The following SCRN3 variants were observed in gnomAD, a reference collection of about 807,000 sequenced individuals.
SCRN3 encodes secernin-3.
In SCRN3, 39 loss-of-function variants were observed where a neutral mutation model predicts 43.1. The ratio of observed to expected loss-of-function variants is 0.91; its 90% CI spans 0.70 to 1.18. SCRN3 has a LOEUF of 1.18. SCRN3 is among the 50% of genes most tolerant of loss of function. SCRN3 has a pLI of 0.00. For missense variants in SCRN3, 484 were observed against 498.0 expected (o/e 0.97, Z 0.27); for synonymous variants, 147 against 163.1 (o/e 0.90, Z 0.75).
chr2:174,398,229 A>C, intron 1 of SCRN3, 46 bp from the exon 2 acceptor site: 1 of 1,201,072 alleles, frequency 8.3e-7, no homozygotes, highest in Non-Finnish European at 1.2e-6. Flanking sequence ...ATTTTTATAT[A>C]CTTAAAAGTG....
At chr2:174,399,889 C>T (rs1329950750) in intron 2 of SCRN3, 33 bp from the exon 3 acceptor site, 10 of 1,296,656 alleles carry the variant, frequency 7.7e-6, no homozygotes, top group South Asian at 2.4e-5. Context: ...TTTTGTGGTT[C>T]TTGCTATGAC....
At chr2:174,401,340 G>A in intron 4 of SCRN3, 151 bp downstream of exon 4, 1 of 623,994 alleles carries the variant, frequency 1.6e-6, no homozygotes, top group Non-Finnish European at 2.7e-6. Flanking sequence ...TGAAAGAACA[G>A]TGAAAAAGTG....
intron 5 of SCRN3, among the ~76,000 whole-genome samples, chr2:174,417,274 G>C (rs908479915): frequency 6.6e-6 from 1 of 151,650 alleles, no homozygotes; most frequent in Non-Finnish European, 1.5e-5. Context: ...ATGTATCCCG[G>C]AACTCAAAAT....
intron 3 of SCRN3, among the ~76,000 whole-genome samples, chr2:174,400,768 A>C (rs1212385367): frequency 2.0e-5 from 3 of 152,170 alleles, no homozygotes; most frequent in Non-Finnish European, 4.4e-5. Context: ...CTTGACAGTG[A>C]ATTACCAACT....
At chr2:174,417,028 G>A (rs1017580206) in intron 5 of SCRN3, among the ~76,000 whole-genome samples, 4 of 152,104 alleles carry the variant, frequency 2.6e-5, no homozygotes, top group Non-Finnish European at 4.4e-5. Flanking sequence ...GTTTCTTAAT[G>A]TTATAGTTTA....
At chr2:174,426,585 A>G (rs1208366913) in intron 7 of SCRN3, among the ~76,000 whole-genome samples, 3 of 152,052 alleles carry the variant, frequency 2.0e-5, no homozygotes, top group Non-Finnish European at 4.4e-5. Flanking sequence ...CAGCCTGACC[A>G]ACATGATGAA....
At chr2:174,418,271 A>G (rs1334964153) in intron 5 of SCRN3, among the ~76,000 whole-genome samples, 3 of 152,212 alleles carry the variant, frequency 2.0e-5, no homozygotes, top group Non-Finnish European at 4.4e-5. Flanking sequence ...CTGTGCTTTG[A>G]CAAAAGAATA....
At chr2:174,420,454 A>G (rs1308221689) in intron 5 of SCRN3, among the ~76,000 whole-genome samples, 1 of 152,244 alleles carries the variant, frequency 6.6e-6, no homozygotes, top group Non-Finnish European at 1.5e-5. Flanking sequence ...AGTATCAGGC[A>G]TGCTAAGAAA....
intron 5 of SCRN3, among the ~76,000 whole-genome samples, chr2:174,417,560 AT>A (rs1686158504): frequency 6.6e-6 from 1 of 151,920 alleles, no homozygotes; most frequent in Admixed American, 6.6e-5. Context: ...AGCCCAGCTA[AT>A]TTTTTGTATT....
intron 6 of SCRN3, among the ~76,000 whole-genome samples, chr2:174,423,761 AC>A (rs1380215712): frequency 3.2e-5 from 4 of 126,476 alleles, no homozygotes; most frequent in Non-Finnish European, 6.5e-5. Context: ...GAGCCACCGC[AC>A]CCGGCCAAGT....
intron 5 of SCRN3, among the ~76,000 whole-genome samples, chr2:174,418,779 G>A (rs1686198935): frequency 6.6e-6 from 1 of 152,186 alleles, no homozygotes; most frequent in African/African-American, 2.4e-5. Flanking sequence ...ATATATAGGT[G>A]TGGATGGCAG....
Position 174,424,535 on chromosome 2 carries a change from AC to A in SCRN3, c.980del (p.Pro327GlnfsTer8). The part of the protein sequence containing the change: ...HISQLLDTSS[P>X]TFELEDLVKK... ...TTTCACAACTATTGGATACCAGTTC[AC>A]CAACATTTGAACTTGAAGATCTAGT... On this transcript the variant is annotated frameshift_variant, in exon 7 of 8. Transcript: ENST00000272732. LOFTEE classifies it high-confidence loss of function. 6.2e-7 allele frequency: 1 copy of A among 1,613,324 alleles called. No individual in the cohort carries two copies. The highest frequency in any genetic ancestry group is 8.5e-7 in the Non-Finnish European group (1 of 1,179,468).
intron 5 of SCRN3, among the ~76,000 whole-genome samples, chr2:174,415,045 G>A (rs1242010342): frequency 2.0e-5 from 3 of 152,102 alleles, no homozygotes; most frequent in Admixed American, 1.3e-4. Flanking sequence ...GATTATAGGC[G>A]TGAGCCACTG....
At chr2:174,406,352 T>A (rs1284035105) in intron 5 of SCRN3, among the ~76,000 whole-genome samples, 6 of 138,418 alleles carry the variant, frequency 4.3e-5, no homozygotes, top group Admixed American at 7.2e-5. Flanking sequence ...CTTAAGGAGA[T>A]TTTGGGCTGA....
chr2:174,423,185 T>C, intron 6 of SCRN3, 138 bp downstream of exon 6: 1 of 605,610 alleles, frequency 1.7e-6, no homozygotes, highest in African/African-American at 1.8e-5. Context: ...TGTTCAGGCT[T>C]TAATCTGCAA....
rs1482042462 is a variant in SCRN3 at position 174,427,786 on chromosome 2, T to C, written c.1166T>C (p.Leu389Pro). 1.9e-6 allele frequency: 3 copies of C among 1,612,400 alleles called. No homozygotes were observed. Among genetic ancestry groups the C allele is most frequent in the Admixed American group, 3.3e-5 (2 of 60,004 alleles). Residue 389 changes from leucine to proline, a missense_variant, in exon 8 of 8, where the codon CTT (leucine) becomes CCT (proline). Coordinates refer to ENST00000272732, the MANE Select transcript of SCRN3 (RefSeq NM_024583.5). Reference sequence around the variant, plus strand: ...CTATTCAGAGAGATGGAATCAATCCTTCAAAACAAGCATCTTGATGTGGAG... The same window carrying C: ...CTATTCAGAGAGATGGAATCAATCCCTCAAAACAAGCATCTTGATGTGGAG... The part of the protein sequence containing the change: ...KELFREMESI[L>P]QNKHLDVEKI...
At chr2:174,421,326 C>T (rs1042643564) in intron 5 of SCRN3, among the ~76,000 whole-genome samples, 8 of 152,064 alleles carry the variant, frequency 5.3e-5, no homozygotes, top group South Asian at 2.1e-4. Flanking sequence ...AAGCAAGGTA[C>T]GCAGGAGTAG....
intron 5 of SCRN3, among the ~76,000 whole-genome samples, chr2:174,422,070 T>A (rs548136668): frequency 6.6e-6 from 1 of 152,186 alleles, no homozygotes; most frequent in Admixed American, 6.5e-5. Flanking sequence ...AAACTAATAA[T>A]AAAATGGTCT....
chr2:174,427,637 T>A, intron 7 of SCRN3, 76 bp from the exon 8 acceptor site: 2 of 827,260 alleles, frequency 2.4e-6, no homozygotes, highest in Non-Finnish European at 3.5e-6. Context: ...AAACCTTATT[T>A]GTAGAGATGG....
Sources: allele counts gnomAD v4.1 joint callset (sites outside exome capture counted in the v4.1 genomes callset), GRCh38; gene constraint gnomAD v4.1.1; transcripts MANE v1.5; gene names NCBI Gene and HGNC (gene_info 2026-07-23, HGNC 2026-07-21).